The following ITGA1 variants were observed in gnomAD, a reference collection of about 807,000 sequenced individuals.
ITGA1 encodes the protein integrin alpha-1.
ITGA1 carries 85 observed loss-of-function variants against 145.9 expected under a neutral mutation model. The observed-to-expected ratio is 0.58, with a 90% CI of 0.49 to 0.70. The LOEUF (loss-of-function observed/expected upper bound fraction) is 0.70, where lower values mean the gene tolerates loss of function less well. Among genes scored for constraint, ITGA1 ranks in the 30% least tolerant of loss-of-function variants. ITGA1 has a pLI of 0.00. For missense variants in ITGA1, 1,351 were observed against 1,418.7 expected (o/e 0.95, Z 0.77); for synonymous variants, 520 against 495.3 (o/e 1.05, Z -0.66).
chr5:52,804,175 T>C (rs1748545558), intron 1 of ITGA1: 1 of 152,216 alleles, frequency 6.6e-6, no homozygotes, highest in Non-Finnish European at 1.5e-5. Flanking sequence ...CTGGAAAGCA[T>C]ATACAGTAGT....
intron 1 of ITGA1, among the ~76,000 whole-genome samples, chr5:52,829,959 A>G (rs1316448018): frequency 6.6e-6 from 1 of 152,198 alleles, no homozygotes; most frequent in Non-Finnish European, 1.5e-5. Flanking sequence ...GCACCTTTGT[A>G]TTTTAATATG....
In ITGA1 at chr5:52,955,259, A is replaced by C. The variant is rs1311014204; in HGVS notation, c.*2808A>C. 6.6e-6 allele frequency: 1 copy of C among 152,170 alleles called. No homozygotes were observed. The highest frequency in any genetic ancestry group is 1.5e-5 in the Non-Finnish European group (1 of 68,022). 9.4% of individuals were successfully genotyped at this position (152,170 alleles called of 1,614,324 possible). On this transcript the variant is annotated 3_prime_UTR_variant, in exon 29 of 29. Transcript: ENST00000282588. ...CTACCAAAGTGACCCTAATCAGCTTACAAAATTCCTGGAAATGTATCTGCC... is the reference window on the plus strand; with the variant it reads ...CTACCAAAGTGACCCTAATCAGCTTCCAAAATTCCTGGAAATGTATCTGCC...
At chr5:52,940,536 G>C (rs1561255636) in intron 26 of ITGA1, among the ~76,000 whole-genome samples, 1 of 151,508 alleles carries the variant, frequency 6.6e-6, no homozygotes. Context: ...AGCCTCCCGA[G>C]TAGCTGGGAC....
chr5:52,951,927 C>T (rs1243145708), intron 28 of ITGA1, among the ~76,000 whole-genome samples: 1 of 152,184 alleles, frequency 6.6e-6, no homozygotes, highest in East Asian at 1.9e-4. Context: ...CGCGATGGCT[C>T]ACGCCTGTAA....
chr5:52,909,764 C>G (rs1185794933), intron 13 of ITGA1, among the ~76,000 whole-genome samples: 3 of 147,354 alleles, frequency 2.0e-5, no homozygotes, highest in African/African-American at 7.6e-5. Context: ...TACTTTCTGT[C>G]TGGGTTTTTT....
chr5:52,866,733 T>C (rs1348979696), intron 6 of ITGA1, among the ~76,000 whole-genome samples: 1 of 152,236 alleles, frequency 6.6e-6, no homozygotes, highest in African/African-American at 2.4e-5. Context: ...AAGTGGAACT[T>C]CTCACACAGC....
At chr5:52,855,076 C>G (rs1157740957) in intron 2 of ITGA1, among the ~76,000 whole-genome samples, 1 of 152,186 alleles carries the variant, frequency 6.6e-6, no homozygotes, top group African/African-American at 2.4e-5. Context: ...GGGCCTTCAC[C>G]TTGACCCTGT....
chr5:52,937,143 G>A (rs530229365), intron 23 of ITGA1, among the ~76,000 whole-genome samples: 1 of 152,118 alleles, frequency 6.6e-6, no homozygotes, highest in East Asian at 1.9e-4. Flanking sequence ...GTTAATCCTA[G>A]GTCTATTAAG....
At chr5:52,927,528 C>A in intron 19 of ITGA1, 56 bp from the exon 20 acceptor site, 1 of 1,214,176 alleles carries the variant, frequency 8.2e-7, no homozygotes, top group Non-Finnish European at 1.2e-6. Context: ...TGAAAGAACA[C>A]GTATCAATAT....
intron 9 of ITGA1, 91 bp downstream of exon 9, chr5:52,893,931 A>G (rs1323309561): frequency 1.0e-6 from 1 of 952,464 alleles, no homozygotes; most frequent in African/African-American, 1.7e-5. Context: ...TACATCAGTA[A>G]TACTTTTTTT....
chr5:52,832,765 C>CTGTGTGTGTGTGTG (rs33977926), intron 1 of ITGA1, among the ~76,000 whole-genome samples: 1 of 86,752 alleles, frequency 1.2e-5, no homozygotes, highest in African/African-American at 4.3e-5. Flanking sequence ...ATATATAAAT[C>CTGTGTGTGTGTGTG]TGTGTGTGTG....
At chr5:52,806,546 C>A (rs538965205) in intron 1 of ITGA1, among the ~76,000 whole-genome samples, 4 of 151,846 alleles carry the variant, frequency 2.6e-5, no homozygotes, top group Non-Finnish European at 1.5e-5. Flanking sequence ...TCTTCAGTGG[C>A]GATGATAAAG....
At chr5:52,820,518 A>G (rs1223099875) in intron 1 of ITGA1, among the ~76,000 whole-genome samples, 2 of 32,190 alleles carry the variant, frequency 6.2e-5, no homozygotes, top group East Asian at 6.2e-4. Context: ...AACTTAAAGT[A>G]TAATAAAAAA....
In ITGA1 at chr5:52,956,101, T is replaced by C. The variant is rs1751299952; in HGVS notation, c.*3650T>C. ...ATTGTTGTGATCAATGGAGTAAAGC[T>C]GGGGTATAGTAGAGGCTGGGGAATC... On this transcript the variant is annotated 3_prime_UTR_variant, in exon 29 of 29. Coordinates refer to ENST00000282588, the MANE Select transcript of ITGA1 (RefSeq NM_181501.2). The C allele has an allele frequency of 6.6e-6, 1 of 152,126 alleles. No homozygotes were observed. The highest frequency in any genetic ancestry group is 2.4e-5 in the African/African-American group (1 of 41,416). The allele number at this position is 152,126 out of a possible 1,614,324, so 9.4% of individuals were successfully genotyped here. A position where few individuals can be genotyped will look rare whatever the true frequency, so the allele number is the denominator to read the frequency against.
chr5:52,789,219 G>A (rs927877981), intron 1 of ITGA1, among the ~76,000 whole-genome samples: 1 of 152,066 alleles, frequency 6.6e-6, no homozygotes, highest in African/African-American at 2.4e-5. Context: ...TTACTGATTG[G>A]GGTGGGGGAA....
intron 26 of ITGA1, among the ~76,000 whole-genome samples, chr5:52,943,572 C>T (rs1441506987): frequency 6.6e-6 from 1 of 152,108 alleles, no homozygotes; most frequent in African/African-American, 2.4e-5. Flanking sequence ...AGGGAGAGGC[C>T]TCCTCCAATC....
intron 1 of ITGA1, among the ~76,000 whole-genome samples, chr5:52,815,279 T>A (rs1748747415): frequency 6.6e-6 from 1 of 152,190 alleles, no homozygotes; most frequent in African/African-American, 2.4e-5. Flanking sequence ...TAGCCAGTGT[T>A]TCTCTCCTAC....
intron 9 of ITGA1, among the ~76,000 whole-genome samples, chr5:52,894,257 T>C (rs1750193438): frequency 6.6e-6 from 1 of 152,210 alleles, no homozygotes; most frequent in Admixed American, 6.6e-5. Context: ...TCTTATGCAA[T>C]AACTTCTTTG....
intron 1 of ITGA1, among the ~76,000 whole-genome samples, chr5:52,807,222 TG>T (rs1230689236): frequency 6.6e-6 from 1 of 152,122 alleles, no homozygotes; most frequent in Non-Finnish European, 1.5e-5. Context: ...AAGAGCAAAA[TG>T]TTTTGGCAGT....
Sources: gnomAD v4.1 joint callset for allele counts (sites outside exome capture counted in the v4.1 genomes callset) on GRCh38, gnomAD v4.1.1 for gene constraint, MANE v1.5 for transcripts, NCBI Gene and HGNC (gene_info 2026-07-23, HGNC 2026-07-21) for gene names.